The following SMYD3 variants were observed in gnomAD, a reference collection of about 807,000 sequenced individuals.
The protein encoded by SMYD3 is SET and MYND domain containing 3, also known as histone-lysine N-methyltransferase SMYD3.
SMYD3 carries 36 observed loss-of-function variants against 57.7 expected under a neutral mutation model. The ratio of observed to expected loss-of-function variants is 0.62; its 90% CI spans 0.48 to 0.82. The LOEUF is 0.82. Among genes scored for constraint, SMYD3 ranks in the 40% least tolerant of loss-of-function variants. The probability of loss-of-function intolerance (pLI) is 0.00; values close to 1 mark genes in which losing one functional copy is unlikely to be tolerated. For missense variants in SMYD3, 515 were observed against 538.8 expected, an observed-to-expected ratio of 0.96 and a Z score of 0.44; for synonymous variants, 211 against 195.0, an observed-to-expected ratio of 1.08 and a Z score of -0.68.
At position 246,481,800 on chromosome 1, in the gene SMYD3, G is replaced by A. The variant is rs539000008; in HGVS notation, c.164+25254C>T. ...ATATATATATAGAGAGAGAGAGATC[G>A]ATCGATCGATCAATACTCTACTGGT... On this transcript the variant is annotated intron_variant, in intron 1 of 11. Coordinates refer to ENST00000490107, the MANE Select transcript of SMYD3 (RefSeq NM_001167740.2). Among the ~76,000 whole-genome samples, 1,201 of 144,450 alleles carry A rather than the reference G, an allele frequency of 8.3e-3. 13 individuals are homozygous for A. The highest frequency in any genetic ancestry group is 0.031 in the African/African-American group (1,120 of 36,100). The allele number at this position is 144,450 out of a possible 152,430, so 94.8% of individuals were successfully genotyped here.
At chr1:245,831,540 C>T (rs34420508) in intron 10 of SMYD3, among the ~76,000 whole-genome samples, 8,939 of 152,300 alleles carry the variant, frequency 0.059, 396 homozygotes, top group East Asian at 0.18. Flanking sequence ...CAGTGAGAAA[C>T]GCACCTGCCA....
intron 5 of SMYD3, among the ~76,000 whole-genome samples, chr1:246,001,068 G>A (rs1258692303): frequency 1.3e-5 from 2 of 152,154 alleles, no homozygotes; most frequent in Admixed American, 6.5e-5. Flanking sequence ...AAATGAGGCC[G>A]CTGTCCTGCG....
chr1:246,063,066 T>C (rs971100216), intron 5 of SMYD3, among the ~76,000 whole-genome samples: 1 of 152,194 alleles, frequency 6.6e-6, no homozygotes, highest in East Asian at 1.9e-4. Context: ...CCACCTTCAG[T>C]TTCAGTTATC....
rs1183882917 is a variant in SMYD3 at position 246,327,321 on chromosome 1, A to G, written c.411T>C (p.Thr137=). The G allele has an allele frequency of 6.2e-6, 10 of 1,612,058 alleles. No individual in the cohort carries two copies. Among genetic ancestry groups the G allele is most frequent in the Non-Finnish European group, 7.6e-6 (9 of 1,179,382 alleles). ...YDLESNINKL[T]EDKKEGLRQL... The stretch of plus-strand genomic sequence containing the variant: ...GCCTGAGGCCCTCTTTCTTATCTTC[A>G]GTCAGTTTGTTAATATCTTTTTTAA... Residue 137 remains threonine, a synonymous_variant, in exon 5 of 12, where the codon ACT becomes ACC. Coordinates refer to ENST00000490107, the MANE Select transcript of SMYD3 (RefSeq NM_001167740.2).
chr1:245,751,805 T>C (rs2045391879), intron 11 of SMYD3, among the ~76,000 whole-genome samples: 1 of 152,146 alleles, frequency 6.6e-6, no homozygotes, highest in Non-Finnish European at 1.5e-5. Flanking sequence ...TGACTTCCTA[T>C]TCATGCGAGC....
intron 5 of SMYD3, among the ~76,000 whole-genome samples, chr1:246,162,178 C>A (rs527599945): frequency 1.3e-5 from 2 of 152,088 alleles, no homozygotes; most frequent in Non-Finnish European, 2.9e-5. Context: ...AATGCTATCC[C>A]GCAATGACCA....
In SMYD3 at chr1:246,135,753, A is replaced by G. The variant is rs1308840845; in HGVS notation, c.531+191448T>C. Among the ~76,000 whole-genome samples, 7 of 152,176 alleles carry G rather than the reference A, an allele frequency of 4.6e-5. No individual in the cohort carries two copies. The East Asian group carries it at 1.3e-3, about 29-fold the overall frequency. ...TATACAGCTAAAATTGTTTTAATAT[A>G]CAAACCAAAATGACATTTTAAATAA... On this transcript the variant is annotated intron_variant, in intron 5 of 11. Coordinates refer to ENST00000490107, the MANE Select transcript of SMYD3 (RefSeq NM_001167740.2).
chr1:245,858,528 C>T lies in SMYD3; in HGVS notation c.1044G>A (p.Leu348=). The T allele has an allele frequency of 6.2e-7, 1 of 1,614,150 alleles. No homozygotes were observed. The highest frequency in any genetic ancestry group is 1.3e-5 in the African/African-American group (1 of 75,038). ...GCTCCATGGTCCGAGTACCATAGAACAAGGCTTCCTCCAACAGGCCGAGGT... is the reference window on the plus strand; with the variant it reads ...GCTCCATGGTCCGAGTACCATAGAATAAGGCTTCCTCCAACAGGCCGAGGT... ...CINLGLLEEA[L]FYGTRTMEPY... The change falls in exon 10 of 12, where the codon TTG becomes TTA. Residue 348 remains leucine, a synonymous_variant. Coordinates refer to ENST00000490107, the MANE Select transcript of SMYD3 (RefSeq NM_001167740.2).
Position 246,139,388 on chromosome 1 carries a change from T to C in SMYD3, c.531+187813A>G, listed in dbSNP as rs573321231. Among the ~76,000 whole-genome samples the C allele has an allele frequency of 6.6e-5, 10 of 152,310 alleles. No homozygotes were observed. In the East Asian group the frequency reaches 1.7e-3, roughly 26 times the overall value. Reference sequence around the variant, plus strand: ...ACCTAAAACATTCCTAATCCAATCATATTGTCTAATATTTAATGATTATTT... The same window carrying C: ...ACCTAAAACATTCCTAATCCAATCACATTGTCTAATATTTAATGATTATTT... On this transcript the variant is annotated intron_variant, in intron 5 of 11. Coordinates refer to ENST00000490107, the MANE Select transcript of SMYD3 (RefSeq NM_001167740.2).
Position 245,839,378 on chromosome 1 carries a change from C to G in SMYD3, c.1076+19118G>C, listed in dbSNP as rs567053880. The stretch of plus-strand genomic sequence containing the variant: ...TAGAGACGGGGTTTCACCGTGTTAG[C>G]CAGGATGGTCTCGATCTCCTGACCT... On this transcript the variant is annotated intron_variant, in intron 10 of 11. Coordinates refer to ENST00000490107, the MANE Select transcript of SMYD3 (RefSeq NM_001167740.2). 2.6e-5 allele frequency among the ~76,000 whole-genome samples: 4 copies of G among 151,992 alleles called. No homozygotes were observed. In the East Asian group the frequency reaches 7.8e-4, roughly 29 times the overall value.
At chr1:245,897,065 G>C (rs1041434880) in intron 8 of SMYD3, among the ~76,000 whole-genome samples, 6 of 152,148 alleles carry the variant, frequency 3.9e-5, no homozygotes, top group Non-Finnish European at 8.8e-5. Context: ...AGTGTGATTA[G>C]AATACCCAAA....
intron 8 of SMYD3, among the ~76,000 whole-genome samples, chr1:245,883,600 C>T (rs1207539752): frequency 6.6e-6 from 1 of 152,122 alleles, no homozygotes; most frequent in Non-Finnish European, 1.5e-5. Flanking sequence ...CGCTAAAAGA[C>T]TATTACTTCT....
chr1:246,468,285 AT>A (rs1410158808), intron 1 of SMYD3, among the ~76,000 whole-genome samples: 2 of 152,192 alleles, frequency 1.3e-5, no homozygotes, highest in Non-Finnish European at 2.9e-5. Flanking sequence ...AAAACAAAAA[AT>A]ATATGATCAT....
At position 246,101,063 on chromosome 1, in the gene SMYD3, G is replaced by GTTTTTTTTTT. The variant is rs1558228762; in HGVS notation, c.532-171127_532-171126insAAAAAAAAAA. ...ATCACTAGTAATATGTATTTTTAGG[G>GTTTTTTTTTT]GTTTTTTGTTTTTTTTTTTTTTTTT... On this transcript the variant is annotated intron_variant, in intron 5 of 11. Coordinates refer to ENST00000490107, the MANE Select transcript of SMYD3 (RefSeq NM_001167740.2). Among the ~76,000 whole-genome samples the GTTTTTTTTTT allele has an allele frequency of 3.2e-5, 3 of 92,948 alleles. 1 individual carries two copies. The highest frequency in any genetic ancestry group is 2.6e-5 in the Non-Finnish European group (1 of 39,070). The allele number at this position is 92,948 out of a possible 152,430, so 61.0% of individuals were successfully genotyped here. A position where few individuals can be genotyped will look rare whatever the true frequency, so the allele number is the denominator to read the frequency against.
intron 10 of SMYD3, among the ~76,000 whole-genome samples, chr1:245,813,155 C>T (rs1328477553): frequency 6.6e-6 from 1 of 151,836 alleles, no homozygotes; most frequent in African/African-American, 2.4e-5. Context: ...GCTGGGACTA[C>T]AGGCGCCCGC....
chr1:246,386,598 C>T lies in SMYD3; in HGVS notation c.165-31504G>A, dbSNP rs563329200. Among the ~76,000 whole-genome samples the T allele has an allele frequency of 5.9e-5, 9 of 151,746 alleles. No homozygotes were observed. The South Asian group carries it at 1.9e-3, about 32-fold the overall frequency. Reference sequence around the variant, plus strand: ...CTTGAGGCCAGATGTTCCAGACCATCCTGGCCAATAGTGAGATTTCACCTC... The same window carrying T: ...CTTGAGGCCAGATGTTCCAGACCATTCTGGCCAATAGTGAGATTTCACCTC... On this transcript the variant is annotated intron_variant, in intron 1 of 11. Transcript: ENST00000490107.
chr1:246,366,401 C>T (rs1254556408), intron 1 of SMYD3, among the ~76,000 whole-genome samples: 1 of 152,004 alleles, frequency 6.6e-6, no homozygotes, highest in East Asian at 1.9e-4. Context: ...TTGATTAAAC[C>T]AACTACTGAA....
At chr1:246,126,686 A>G (rs1366330327) in intron 5 of SMYD3, among the ~76,000 whole-genome samples, 1 of 152,210 alleles carries the variant, frequency 6.6e-6, no homozygotes, top group African/African-American at 2.4e-5. Context: ...CTTATTTCAA[A>G]GCTTCAAATA....
intron 5 of SMYD3, among the ~76,000 whole-genome samples, chr1:246,215,131 C>T (rs1032557484): frequency 9.2e-5 from 14 of 152,070 alleles, no homozygotes; most frequent in South Asian, 2.1e-4. Context: ...CAGTTGCTGG[C>T]GGCTAGATAT....
Sources: gnomAD v4.1 joint callset for allele counts (sites outside exome capture counted in the v4.1 genomes callset) on GRCh38, gnomAD v4.1.1 for gene constraint, MANE v1.5 for transcripts, NCBI Gene and HGNC (gene_info 2026-07-23, HGNC 2026-07-21) for gene names.